The following SLC35F1 variants were observed in gnomAD, a reference collection of about 807,000 sequenced individuals.
SLC35F1 encodes the protein solute carrier family 35 member F1.
SLC35F1 carries 14 observed loss-of-function variants against 48.7 expected under a neutral mutation model. The ratio of observed to expected loss-of-function variants is 0.29; its 90% CI spans 0.19 to 0.45. The LOEUF (loss-of-function observed/expected upper bound fraction) is 0.45, where lower values mean the gene tolerates loss of function less well. Ranked by LOEUF, SLC35F1 falls within the 20% of genes least tolerant of loss-of-function variation. SLC35F1 has a pLI of 1.00. For missense variants in SLC35F1, 404 were observed against 500.0 expected (o/e 0.81, Z 1.83); for synonymous variants, 190 against 202.2 (o/e 0.94, Z 0.51).
At chr6:118,072,127 A>G (rs971381730) in intron 1 of SLC35F1, among the ~76,000 whole-genome samples, 1 of 152,100 alleles carries the variant, frequency 6.6e-6, no homozygotes, top group African/African-American at 2.4e-5. Context: ...TTATTTTGAG[A>G]GACTTCCTTG....
intron 1 of SLC35F1, among the ~76,000 whole-genome samples, chr6:118,017,795 T>G (rs1370298058): frequency 2.0e-5 from 3 of 152,180 alleles, no homozygotes; most frequent in Non-Finnish European, 2.9e-5. Flanking sequence ...TTTTGTAGAA[T>G]AGTTAATGGC....
intron 1 of SLC35F1, among the ~76,000 whole-genome samples, chr6:117,997,163 A>G (rs1365290429): frequency 6.6e-6 from 1 of 152,168 alleles, no homozygotes; most frequent in Admixed American, 6.5e-5. Flanking sequence ...CAACTGGAAG[A>G]AAGGGTATCA....
At chr6:118,086,601 T>C (rs1166073941) in intron 1 of SLC35F1, among the ~76,000 whole-genome samples, 2 of 152,216 alleles carry the variant, frequency 1.3e-5, no homozygotes, top group Non-Finnish European at 2.9e-5. Context: ...TTGGGAACAT[T>C]AGAATGTCTT....
intron 1 of SLC35F1, among the ~76,000 whole-genome samples, chr6:117,971,439 G>C (rs1215105932): frequency 6.6e-6 from 1 of 152,186 alleles, no homozygotes; most frequent in Non-Finnish European, 1.5e-5. Flanking sequence ...CACAGTTCTG[G>C]CATCTGGAGG....
chr6:118,196,735 T>TTAAA (rs749311039), intron 2 of SLC35F1, among the ~76,000 whole-genome samples: 13 of 152,090 alleles, frequency 8.5e-5, no homozygotes, highest in African/African-American at 2.4e-4. Flanking sequence ...AAAAAATAAA[T>TTAAA]TAAATAAATA....
chr6:118,206,698 G>A (rs1303726561), intron 2 of SLC35F1, among the ~76,000 whole-genome samples: 2 of 152,154 alleles, frequency 1.3e-5, no homozygotes, highest in South Asian at 4.1e-4. Flanking sequence ...TGGGCCACTT[G>A]AGAGGTGGGA....
At chr6:117,907,968 G>A in intron 1 of SLC35F1, 69 bp downstream of exon 1, 2 of 1,267,494 alleles carry the variant, frequency 1.6e-6, no homozygotes, top group Non-Finnish European at 2.0e-6. Context: ...GGTCCCCTCC[G>A]TCCCTGGGGC....
intron 1 of SLC35F1, among the ~76,000 whole-genome samples, chr6:118,032,155 T>TA (rs1408806728): frequency 6.6e-6 from 1 of 152,236 alleles, no homozygotes; most frequent in East Asian, 1.9e-4. Context: ...TTTCTCCAGA[T>TA]ACATTTTCTT....
At chr6:118,301,938 G>A (rs931059307) in intron 7 of SLC35F1, among the ~76,000 whole-genome samples, 8 of 152,192 alleles carry the variant, frequency 5.3e-5, no homozygotes, top group African/African-American at 1.9e-4. Context: ...AACAAAGTGT[G>A]TCATTAATAA....
chr6:118,198,572 T>C (rs72963662), intron 2 of SLC35F1, among the ~76,000 whole-genome samples: 19,890 of 152,274 alleles, frequency 0.13, 1,602 homozygotes, highest in Non-Finnish European at 0.18. Context: ...ATTGTAAGCA[T>C]AATTTATTTT....
Position 118,316,983 on chromosome 6 carries a change from C to T in SLC35F1, c.*2731C>T, listed in dbSNP as rs200382175. 3.9e-5 allele frequency: 6 copies of T among 152,570 alleles called. No homozygotes were observed. Among genetic ancestry groups the T allele is most frequent in the East Asian group, 3.9e-4 (2 of 5,180 alleles). The allele number at this position is 152,570 out of a possible 1,614,324, so 9.5% of individuals were successfully genotyped here. ...AAACACTGATCCTTTGGGAATGGGG[C>T]GGGAAATGGGAGTAGGACAACATTA... is the stretch of plus-strand genomic sequence containing the variant. On this transcript the variant is annotated 3_prime_UTR_variant, in exon 8 of 8. Transcript: ENST00000360388.
At position 117,998,327 on chromosome 6, in the gene SLC35F1, G is replaced by A. The variant is rs542537893; in HGVS notation, c.173+90428G>A. ...TTAGACTCCCACACAATAATAATGG[G>A]AGACTTTAACACCCCACTGTCAACA... is the stretch of plus-strand genomic sequence containing the variant. On this transcript the variant is annotated intron_variant, in intron 1 of 7. Coordinates refer to ENST00000360388, the MANE Select transcript of SLC35F1 (RefSeq NM_001029858.4). Among the ~76,000 whole-genome samples, 32 of 150,152 alleles carry A rather than the reference G, an allele frequency of 2.1e-4. No individual in the cohort carries two copies. The South Asian group carries it at 6.5e-3, about 31-fold the overall frequency.
At chr6:118,300,929 A>G (rs1776248395) in intron 7 of SLC35F1, among the ~76,000 whole-genome samples, 2 of 152,232 alleles carry the variant, frequency 1.3e-5, no homozygotes, top group African/African-American at 4.8e-5. Context: ...TTCCTTCTGG[A>G]TGCTCATGAA....
chr6:117,988,005 G>C (rs1297950238), intron 1 of SLC35F1, among the ~76,000 whole-genome samples: 1 of 152,008 alleles, frequency 6.6e-6, no homozygotes, highest in East Asian at 1.9e-4. Flanking sequence ...GGATGACCAG[G>C]CTTTCTAGCT....
At chr6:117,994,307 T>G (rs1776957798) in intron 1 of SLC35F1, among the ~76,000 whole-genome samples, 1 of 152,112 alleles carries the variant, frequency 6.6e-6, no homozygotes, top group African/African-American at 2.4e-5. Context: ...CTAGAGAAAA[T>G]TCTCTTAAGA....
At chr6:118,162,000 G>A (rs1774242989) in intron 2 of SLC35F1, among the ~76,000 whole-genome samples, 1 of 152,186 alleles carries the variant, frequency 6.6e-6, no homozygotes, top group Admixed American at 6.5e-5. Flanking sequence ...CATTTGCCAT[G>A]TGACTCAACA....
intron 1 of SLC35F1, among the ~76,000 whole-genome samples, chr6:117,918,010 G>C (rs1775848712): frequency 6.6e-6 from 1 of 152,160 alleles, no homozygotes; most frequent in South Asian, 2.1e-4. Context: ...GCAGTCCACT[G>C]TGCTGAGAGT....
intron 1 of SLC35F1, among the ~76,000 whole-genome samples, chr6:118,129,441 G>A (rs1475698647): frequency 6.6e-6 from 1 of 152,160 alleles, no homozygotes; most frequent in Admixed American, 6.6e-5. Context: ...GTAAGCCAAG[G>A]AGTTACTTGG....
intron 1 of SLC35F1, among the ~76,000 whole-genome samples, chr6:118,082,975 G>A (rs753190963): frequency 1.3e-5 from 2 of 152,146 alleles, no homozygotes; most frequent in Non-Finnish European, 2.9e-5. Context: ...GGACCACTGA[G>A]GGGAGAGAAG....
Sources: gnomAD v4.1 joint callset for allele counts (sites outside exome capture counted in the v4.1 genomes callset) on GRCh38, gnomAD v4.1.1 for gene constraint, MANE v1.5 for transcripts, NCBI Gene and HGNC (gene_info 2026-07-23, HGNC 2026-07-21) for gene names.